The following EYS variants were observed in gnomAD, a reference collection of about 807,000 sequenced individuals.
EYS encodes EGF-like photoreceptor maintenance factor, also known as protein eyes shut homolog.
EYS carries 250 observed loss-of-function variants against 282.1 expected under a neutral mutation model. The ratio of observed to expected loss-of-function variants is 0.89; its 90% CI spans 0.80 to 0.98. EYS has a LOEUF of 0.98. Ranked by LOEUF, EYS falls within the 50% of genes least tolerant of loss-of-function variation. EYS has a pLI of 0.00. For synonymous variants in EYS, 1,355 were observed against 1,282.9 expected (o/e 1.06, Z -1.20); for missense variants, 4,016 against 3,709.0 (o/e 1.08, Z -2.15).
At chr6:64,890,046 C>CCCG (rs1767231603) in intron 18 of EYS, among the ~76,000 whole-genome samples, 1 of 9,774 alleles carries the variant, frequency 1.0e-4, no homozygotes, top group African/African-American at 4.0e-4. Context: ...CCTATAAATG[C>CCCG]CCCCCCCCCC....
At chr6:64,739,996 T>G (rs563393963) in intron 22 of EYS, among the ~76,000 whole-genome samples, 4 of 152,272 alleles carry the variant, frequency 2.6e-5, no homozygotes, top group Middle Eastern at 3.4e-3. Context: ...TTAGAACTCA[T>G]TAGCAAAAAA....
At chr6:64,230,569 A>G (rs1234637783) in intron 31 of EYS, 23 bp downstream of exon 31, 3 of 1,512,386 alleles carry the variant, frequency 2.0e-6, no homozygotes, top group South Asian at 2.4e-5. Flanking sequence ...AAGAAATACA[A>G]AAGGGTAATG....
chr6:65,239,688 T>C (rs960958757), intron 12 of EYS, among the ~76,000 whole-genome samples: 2 of 152,078 alleles, frequency 1.3e-5, no homozygotes, highest in Admixed American at 1.3e-4. Context: ...AGAGTTGATA[T>C]TAAAGAAAAT....
chr6:65,352,677 C>A (rs2055504), intron 9 of EYS, among the ~76,000 whole-genome samples: 101,813 of 151,178 alleles, frequency 0.67, 34,350 homozygotes, highest in South Asian at 0.72. Context: ...TATGACTCAC[C>A]TTATTACTCC....
In EYS at chr6:65,135,592, G is replaced by C. The variant is rs563343702; in HGVS notation, c.2024-77865C>G. 3.4e-4 allele frequency among the ~76,000 whole-genome samples: 52 copies of C among 152,054 alleles called. No individual in the cohort carries two copies. In the East Asian group the frequency reaches 9.9e-3, roughly 29 times the overall value. On this transcript the variant is annotated intron_variant, in intron 12 of 42. Coordinates refer to ENST00000503581, the MANE Select transcript of EYS (RefSeq NM_001142800.2). ...TATTTATAGATGGTTTAGCATGAAA[G>C]TTTTCTGCTAAACACTTACAAGTCT...
Position 65,009,787 on chromosome 6 carries a change from G to A in EYS, c.2138-12084C>T, listed in dbSNP as rs574390422. Among the ~76,000 whole-genome samples the A allele has an allele frequency of 5.5e-4, 84 of 152,238 alleles. 1 individual carries two copies. Among genetic ancestry groups the A allele is most frequent in the African/African-American group, 2.0e-3 (84 of 41,540 alleles). ...GTTTCCAAACAAAAGGCTCAGCTCT[G>A]CTCACAGCAGTTTAAATACTTAGGG... On this transcript the variant is annotated intron_variant, in intron 13 of 42. Coordinates refer to ENST00000503581, the MANE Select transcript of EYS (RefSeq NM_001142800.2).
intron 36 of EYS, among the ~76,000 whole-genome samples, chr6:63,820,952 T>A (rs1771307019): frequency 6.6e-6 from 1 of 152,124 alleles, no homozygotes; most frequent in Non-Finnish European, 1.5e-5. Flanking sequence ...TTATTCTAGA[T>A]CAGACTCAAA....
At chr6:65,536,931 C>G (rs755134350) in intron 2 of EYS, among the ~76,000 whole-genome samples, 1 of 152,072 alleles carries the variant, frequency 6.6e-6, no homozygotes, top group African/African-American at 2.4e-5. Context: ...TAAACTCATA[C>G]GGCAACGCTA....
In EYS at chr6:64,106,088, G is replaced by T. The variant is rs1355306899; in HGVS notation, c.6425-24086C>A. 2.6e-5 allele frequency among the ~76,000 whole-genome samples: 4 copies of T among 152,108 alleles called. No homozygotes were observed. The East Asian group carries it at 7.7e-4, about 29-fold the overall frequency. The stretch of plus-strand genomic sequence containing the variant: ...AATTGGATTAATAGCTACCATATTT[G>T]CTGGTATTTTCTATTTGTTGCCTTT... On this transcript the variant is annotated intron_variant, in intron 31 of 42. Coordinates refer to ENST00000503581, the MANE Select transcript of EYS (RefSeq NM_001142800.2).
chr6:63,827,850 C>CAAAAA (rs58843584), intron 36 of EYS, among the ~76,000 whole-genome samples: 5 of 85,012 alleles, frequency 5.9e-5, no homozygotes, highest in African/African-American at 8.7e-5. Flanking sequence ...GACTCCGTCT[C>CAAAAA]AAAAAAAAAA....
intron 25 of EYS, 27 bp from the exon 26 acceptor site, chr6:64,592,016 GT>G (rs1356592671): frequency 2.8e-6 from 4 of 1,433,042 alleles, no homozygotes; most frequent in Admixed American, 2.9e-5. Context: ...AGCCAAAAAG[GT>G]TAGAAAAATG....
intron 1 of EYS, among the ~76,000 whole-genome samples, chr6:65,676,633 G>C (rs1003232041): frequency 6.6e-6 from 1 of 151,784 alleles, no homozygotes; most frequent in Non-Finnish European, 1.5e-5. Flanking sequence ...CAAATATGTA[G>C]AGAGGAATTA....
intron 12 of EYS, among the ~76,000 whole-genome samples, chr6:65,179,135 C>G (rs1174653726): frequency 6.6e-6 from 1 of 151,992 alleles, no homozygotes; most frequent in African/African-American, 2.4e-5. Context: ...GACACCCTAA[C>G]ATCACAACTA....
chr6:64,298,115 T>C (rs529623743), intron 30 of EYS, among the ~76,000 whole-genome samples: 2 of 152,070 alleles, frequency 1.3e-5, no homozygotes, highest in Non-Finnish European at 2.9e-5. Context: ...TGAAAGACCA[T>C]AGACAGTAAC....
chr6:65,369,860 A>T (rs1397475623), intron 8 of EYS, among the ~76,000 whole-genome samples: 1 of 151,642 alleles, frequency 6.6e-6, no homozygotes, highest in Admixed American at 6.7e-5. Flanking sequence ...GATCTTCCTG[A>T]TTCTGACTCT....
rs146886731 is a variant in EYS, at chr6:65,113,194, C to T, written c.2024-55467G>A. 4.0e-3 allele frequency among the ~76,000 whole-genome samples: 607 copies of T among 152,034 alleles called. 6 individuals carry two copies. The highest frequency in any genetic ancestry group is 6.8e-3 in the Middle Eastern group (2 of 294). ...CTCTCTAGGGATCAGAATAGTAATA[C>T]TGCTTGCAAAATAATATTTGCAGAA... On this transcript the variant is annotated intron_variant, in intron 12 of 42. Coordinates refer to ENST00000503581, the MANE Select transcript of EYS (RefSeq NM_001142800.2).
intron 26 of EYS, among the ~76,000 whole-genome samples, chr6:64,515,488 T>C (rs573898699): frequency 3.2e-4 from 49 of 151,556 alleles, no homozygotes; most frequent in Admixed American, 6.6e-4. Flanking sequence ...AACCTTATGA[T>C]CTCAATTTTT....
chr6:65,287,769 GC>G (rs1768409669), intron 12 of EYS, among the ~76,000 whole-genome samples: 1 of 150,666 alleles, frequency 6.6e-6, no homozygotes, highest in South Asian at 2.1e-4. Flanking sequence ...TTGTTTTTTT[GC>G]CTTTTTATGG....
intron 30 of EYS, among the ~76,000 whole-genome samples, chr6:64,260,352 CTTGT>C (rs1767547788): frequency 2.6e-5 from 4 of 151,972 alleles, no homozygotes; most frequent in Admixed American, 2.0e-4. Flanking sequence ...GTTGTATTTG[CTTGT>C]TTGTTTTATG....
Sources: allele counts gnomAD v4.1 joint callset (sites outside exome capture counted in the v4.1 genomes callset), GRCh38; gene constraint gnomAD v4.1.1; transcripts MANE v1.5; gene names NCBI Gene and HGNC (gene_info 2026-07-23, HGNC 2026-07-21).